RBFOX1: variants seen among roughly 807,000 people sequenced by gnomAD.
RBFOX1 encodes the protein RNA binding fox-1 homolog 1.
In RBFOX1, 8 loss-of-function variants were observed where a neutral mutation model predicts 57.7. The ratio of observed to expected loss-of-function variants is 0.14; its 90% CI spans 0.08 to 0.25. The LOEUF (loss-of-function observed/expected upper bound fraction) is 0.25, where lower values mean the gene tolerates loss of function less well. Ranked by LOEUF, RBFOX1 falls within the 10% of genes least tolerant of loss-of-function variation. The pLI, the probability that RBFOX1 is intolerant of heterozygous loss-of-function variation, is 1.00. For synonymous variants in RBFOX1, 326 were observed against 222.4 expected (o/e 1.47, Z -4.15); for missense variants, 611 against 548.5 (o/e 1.11, Z -1.14).
At position 6,548,281 on chromosome 16, in the gene RBFOX1, G is replaced by A. The variant is rs548355180; in HGVS notation, c.-63-106322G>A. 4.6e-5 allele frequency among the ~76,000 whole-genome samples: 7 copies of A among 152,238 alleles called. No homozygotes were observed. In the South Asian group the frequency reaches 1.5e-3, roughly 32 times the overall value. ...AACTGTCAAAAAAGCTATAGTGTCC[G>A]AGATCATTTGAATCATTTTGGCAGT... On this transcript the variant is annotated intron_variant, in intron 2 of 15. Transcript: ENST00000550418.
At chr16:6,221,253 C>T (rs2097371433) in intron 1 of RBFOX1, among the ~76,000 whole-genome samples, 1 of 152,192 alleles carries the variant, frequency 6.6e-6, no homozygotes, top group South Asian at 2.1e-4. Flanking sequence ...TCTACATCCT[C>T]ACCAGCCTTG....
At chr16:6,239,629 C>T (rs1197302208) in intron 1 of RBFOX1, among the ~76,000 whole-genome samples, 1 of 151,216 alleles carries the variant, frequency 6.6e-6, no homozygotes, top group Non-Finnish European at 1.5e-5. Context: ...TCCTGAGTAG[C>T]TGGGACTACA....
chr16:5,399,630 G>A (rs139303918), intron 1 of RBFOX1, among the ~76,000 whole-genome samples: 1 of 152,144 alleles, frequency 6.6e-6, no homozygotes, highest in Non-Finnish European at 1.5e-5. Context: ...CTACTGAAAG[G>A]GATGATGAGG....
intron 2 of RBFOX1, among the ~76,000 whole-genome samples, chr16:6,424,353 T>C (rs6500784): frequency 0.24 from 37,215 of 152,110 alleles, 4,981 homozygotes; most frequent in East Asian, 0.51. Flanking sequence ...AAAGATAAAT[T>C]GAGATTATGT....
In RBFOX1 at chr16:5,969,325, G is replaced by GTTTTTTTTTTTTTTTTTTTTTTTTTT. The variant is rs1392384342; in HGVS notation, c.351+101993_351+101994insTTTTTTTTTTTTTTTTTTTTTTTTTT. 1.3e-4 allele frequency among the ~76,000 whole-genome samples: 16 copies of GTTTTTTTTTTTTTTTTTTTTTTTTTT among 120,648 alleles called. 2 individuals are homozygous for GTTTTTTTTTTTTTTTTTTTTTTTTTT. Among genetic ancestry groups the GTTTTTTTTTTTTTTTTTTTTTTTTTT allele is most frequent in the South Asian group, 2.9e-4 (1 of 3,484 alleles). 79.1% of individuals were successfully genotyped at this position (120,648 alleles called of 152,430 possible). ...TTTTTTTTTTTTTTTTTTTTTTTTG[G>GTTTTTTTTTTTTTTTTTTTTTTTTTT]TTTGGAAATGGAGTCTCTCACTGTC... On this transcript the variant is annotated intron_variant, in intron 4 of 19. Transcript: ENST00000641259.
At chr16:7,533,483 A>G (rs745907467) in intron 5 of RBFOX1, among the ~76,000 whole-genome samples, 22 of 152,194 alleles carry the variant, frequency 1.4e-4, no homozygotes, top group Admixed American at 7.9e-4. Flanking sequence ...TGATGGGGCT[A>G]TGTCCCAATA....
At position 6,849,306 on chromosome 16, in the gene RBFOX1, C is replaced by T. The variant is rs1433552331; in HGVS notation, c.-16+194656C>T. Among the ~76,000 whole-genome samples, 4 of 152,080 alleles carry T rather than the reference C, an allele frequency of 2.6e-5. No homozygotes were observed. The East Asian group carries it at 7.7e-4, about 29-fold the overall frequency. The stretch of plus-strand genomic sequence containing the variant: ...CAATATTCTGCTCATTGGCAAAAAT[C>T]GTGTTCATTTTTAAGAGAAATAGAT... On this transcript the variant is annotated intron_variant, in intron 3 of 15. Transcript: ENST00000550418.
chr16:7,130,998 G>T (rs1426941380), intron 4 of RBFOX1, among the ~76,000 whole-genome samples: 1 of 152,110 alleles, frequency 6.6e-6, no homozygotes, highest in Non-Finnish European at 1.5e-5. Context: ...AAAGAGATGG[G>T]TATCTTAAAA....
At chr16:6,752,644 G>C (rs2075132709) in intron 3 of RBFOX1, among the ~76,000 whole-genome samples, 2 of 152,084 alleles carry the variant, frequency 1.3e-5, no homozygotes, top group South Asian at 2.1e-4. Flanking sequence ...CCATTCCCCT[G>C]CTCTGGAATA....
chr16:5,689,805 C>CAAA (rs5815263), intron 3 of RBFOX1, among the ~76,000 whole-genome samples: 2 of 146,212 alleles, frequency 1.4e-5, no homozygotes, highest in Non-Finnish European at 3.0e-5. Context: ...AAATACAGAC[C>CAAA]AAAAAAAAAA....
At chr16:7,515,509 A>G (rs1335038403) in intron 4 of RBFOX1, among the ~76,000 whole-genome samples, 1 of 152,084 alleles carries the variant, frequency 6.6e-6, no homozygotes, top group East Asian at 1.9e-4. Flanking sequence ...ACACAAATGG[A>G]GATCATGTAG....
chr16:6,487,754 T>TATAA (rs2095538332), intron 2 of RBFOX1, among the ~76,000 whole-genome samples: 2 of 112,430 alleles, frequency 1.8e-5, no homozygotes, highest in African/African-American at 7.3e-5. Flanking sequence ...TATATATATA[T>TATAA]AAAATATTAT....
chr16:5,447,353 T>C (rs1374996073), intron 1 of RBFOX1, among the ~76,000 whole-genome samples: 1 of 149,160 alleles, frequency 6.7e-6, no homozygotes, highest in Non-Finnish European at 1.5e-5. Context: ...CTGTCTCTCA[T>C]CATTCAATGT....
chr16:5,699,318 A>G (rs981884970), intron 3 of RBFOX1, among the ~76,000 whole-genome samples: 8 of 150,172 alleles, frequency 5.3e-5, no homozygotes, highest in Admixed American at 1.3e-4. Flanking sequence ...ATTTACATAT[A>G]TTGTGATATG....
chr16:6,787,647 T>G (rs2082189666), intron 3 of RBFOX1, among the ~76,000 whole-genome samples: 1 of 152,086 alleles, frequency 6.6e-6, no homozygotes, highest in African/African-American at 2.4e-5. Flanking sequence ...TGAAGACACG[T>G]TATTACAAGA....
intron 1 of RBFOX1, among the ~76,000 whole-genome samples, chr16:6,208,231 T>G (rs914114300): frequency 1.5e-4 from 23 of 152,156 alleles, no homozygotes; most frequent in African/African-American, 5.1e-4. Context: ...TTACTGATAA[T>G]GAGTGATACA....
intron 3 of RBFOX1, among the ~76,000 whole-genome samples, chr16:6,686,477 T>A (rs2059452628): frequency 6.6e-6 from 1 of 152,204 alleles, no homozygotes; most frequent in South Asian, 2.1e-4. Flanking sequence ...ATTTAAGCAC[T>A]ACGTGGTTGT....
chr16:5,873,466 G>T (rs1417358874), intron 4 of RBFOX1, among the ~76,000 whole-genome samples: 1 of 152,162 alleles, frequency 6.6e-6, no homozygotes, highest in Non-Finnish European at 1.5e-5. Context: ...CAGCACCAAA[G>T]AATATTTAAA....
intron 4 of RBFOX1, among the ~76,000 whole-genome samples, chr16:7,168,030 C>T (rs556783383): frequency 6.6e-6 from 1 of 152,078 alleles, no homozygotes; most frequent in African/African-American, 2.4e-5. Flanking sequence ...TTTTATGAAG[C>T]AGGTTTTTTC....
Sources: allele counts gnomAD v4.1 joint callset (sites outside exome capture counted in the v4.1 genomes callset), GRCh38; gene constraint gnomAD v4.1.1; transcripts MANE v1.5; gene names NCBI Gene and HGNC (gene_info 2026-07-23, HGNC 2026-07-21).